Variants in ZSWIM6 observed in about 807,000 individuals in gnomAD.
ZSWIM6 encodes zinc finger SWIM-type containing 6.
A neutral mutation model predicts 113.2 loss-of-function variants in ZSWIM6; 9 were observed. The ratio of observed to expected loss-of-function variants is 0.08; its 90% CI spans 0.05 to 0.14. The LOEUF (loss-of-function observed/expected upper bound fraction) is 0.14. Among genes scored for constraint, ZSWIM6 ranks in the 10% least tolerant of loss-of-function variants. ZSWIM6 has a pLI of 1.00. For synonymous variants in ZSWIM6, 611 were observed against 606.5 expected, an observed-to-expected ratio of 1.01 and a Z score of -0.11; for missense variants, 1,162 against 1,552.2, an observed-to-expected ratio of 0.75 and a Z score of 4.22.
intron 1 of ZSWIM6, among the ~76,000 whole-genome samples, chr5:61,409,324 A>G (rs1432286447): frequency 6.6e-6 from 1 of 152,162 alleles, no homozygotes; most frequent in East Asian, 1.9e-4. Flanking sequence ...ACTTACCTGC[A>G]GTCCATTTTC....
chr5:61,537,878 T>C (rs1353684875), intron 10 of ZSWIM6, among the ~76,000 whole-genome samples: 1 of 152,232 alleles, frequency 6.6e-6, no homozygotes, highest in Admixed American at 6.5e-5. Context: ...AGCTTTTTGG[T>C]ACTTTTAGAA....
At chr5:61,379,208 AAG>A (rs1554031857) in intron 1 of ZSWIM6, among the ~76,000 whole-genome samples, 31 of 151,294 alleles carry the variant, frequency 2.0e-4, no homozygotes, top group African/African-American at 7.0e-4. Flanking sequence ...AAAAAAAAAA[AAG>A]AATGTAAAAA....
chr5:61,454,704 C>T (rs1209800252), intron 1 of ZSWIM6, among the ~76,000 whole-genome samples: 5 of 151,920 alleles, frequency 3.3e-5, no homozygotes, highest in African/African-American at 9.7e-5. Context: ...GCCTCAGCCT[C>T]CCAAGTATCT....
At chr5:61,432,794 T>C (rs1746615118) in intron 1 of ZSWIM6, among the ~76,000 whole-genome samples, 1 of 152,224 alleles carries the variant, frequency 6.6e-6, no homozygotes, top group South Asian at 2.1e-4. Context: ...TTTGGGTTTT[T>C]CATTGGGTTC....
intron 2 of ZSWIM6, among the ~76,000 whole-genome samples, chr5:61,477,901 G>A (rs1329704242): frequency 6.6e-6 from 1 of 152,148 alleles, no homozygotes; most frequent in Non-Finnish European, 1.5e-5. Context: ...AGGAAGTTGG[G>A]TATTTATTCT....
chr5:61,497,102 C>G (rs546712341), intron 4 of ZSWIM6, among the ~76,000 whole-genome samples: 2 of 128,938 alleles, frequency 1.6e-5, no homozygotes, highest in African/African-American at 5.7e-5. Context: ...GACCAGTACA[C>G]CAGGAAAAAA....
At chr5:61,541,459 C>G (rs978426014) in intron 12 of ZSWIM6, among the ~76,000 whole-genome samples, 1 of 152,110 alleles carries the variant, frequency 6.6e-6, no homozygotes, top group African/African-American at 2.4e-5. Context: ...TTTAAAATAC[C>G]TCTTTCCCCA....
At chr5:61,403,741 G>A (rs1312335948) in intron 1 of ZSWIM6, among the ~76,000 whole-genome samples, 2 of 152,200 alleles carry the variant, frequency 1.3e-5, no homozygotes, top group Non-Finnish European at 2.9e-5. Flanking sequence ...GCGTGTGAGT[G>A]GAAACCTTTT....
At chr5:61,398,653 A>G (rs1316584581) in intron 1 of ZSWIM6, among the ~76,000 whole-genome samples, 1 of 152,164 alleles carries the variant, frequency 6.6e-6, no homozygotes, top group African/African-American at 2.4e-5. Flanking sequence ...ATATTTATCA[A>G]CGTGCTTAAA....
At position 61,494,165 on chromosome 5, in the gene ZSWIM6, CAG is replaced by C. The variant is rs941328216; in HGVS notation, c.1183-91_1183-90del. The C allele has an allele frequency of 9.2e-6, 12 of 1,311,378 alleles. No homozygotes were observed. The African/African-American group carries it at 1.3e-4, about 14-fold the overall frequency. 81.2% of individuals were successfully genotyped at this position (1,311,378 alleles called of 1,614,324 possible). A position where few individuals can be genotyped will look rare whatever the true frequency, so the allele number is the denominator to read the frequency against. ...ACACACGGAGAGAGAGAGAGAGAAACAGAGAAAAGTGGTGGTTTGTCTCTTGT... is the reference window on the plus strand; with the variant it reads ...ACACACGGAGAGAGAGAGAGAGAAACAGAAAAGTGGTGGTTTGTCTCTTGT... On this transcript the variant is annotated intron_variant, in intron 3 of 13. Transcript: ENST00000252744.
At chr5:61,451,115 T>A (rs1450446299) in intron 1 of ZSWIM6, among the ~76,000 whole-genome samples, 1 of 152,134 alleles carries the variant, frequency 6.6e-6, no homozygotes, top group Non-Finnish European at 1.5e-5. Context: ...TTTATCCTGC[T>A]TACAACTGCA....
In ZSWIM6 at chr5:61,545,849, C is replaced by T. The variant is rs1306992941; in HGVS notation, c.*1532C>T. 1 of 151,982 alleles carries T rather than the reference C, an allele frequency of 6.6e-6. No homozygotes were observed. Among genetic ancestry groups the T allele is most frequent in the Non-Finnish European group, 1.5e-5 (1 of 67,984 alleles). 9.4% of individuals were successfully genotyped at this position (151,982 alleles called of 1,614,324 possible). ...TAGCTGATGGTTCTGTAACCTTGTGCTTTTTAAAGCAATTTTTATGTTTTG... is the reference window on the plus strand; with the variant it reads ...TAGCTGATGGTTCTGTAACCTTGTGTTTTTTAAAGCAATTTTTATGTTTTG... On this transcript the variant is annotated 3_prime_UTR_variant, in exon 14 of 14. Coordinates refer to ENST00000252744, the MANE Select transcript of ZSWIM6 (RefSeq NM_020928.2).
At position 61,332,303 on chromosome 5, in the gene ZSWIM6, G is replaced by A. The variant is rs1038709799; in HGVS notation, c.31G>A (p.Ala11Thr). 1.1e-5 allele frequency: 13 copies of A among 1,167,408 alleles called. No homozygotes were observed. The African/African-American group carries it at 1.8e-4, about 16-fold the overall frequency. The allele number at this position is 1,167,408 out of a possible 1,614,324, so 72.3% of individuals were successfully genotyped here. Residue 11 changes from alanine to threonine, a missense_variant, in exon 1 of 14, where the codon GCG becomes ACG. Coordinates refer to ENST00000252744, the MANE Select transcript of ZSWIM6 (RefSeq NM_020928.2). ...GGAGCGCGGACAGCAGCCTCCTCCC[G>A]CGAAACGGCTTTGCTGCCGGCCGGG... is the stretch of plus-strand genomic sequence containing the variant. Reference protein sequence around the residue: MAERGQQPPPAKRLCCRPGGG... With the variant: MAERGQQPPPTKRLCCRPGGG...
chr5:61,455,639 C>G (rs1414143960), intron 1 of ZSWIM6, among the ~76,000 whole-genome samples: 2 of 152,166 alleles, frequency 1.3e-5, no homozygotes, highest in East Asian at 3.9e-4. Context: ...GAGCACTTGG[C>G]TAGCGGGGCA....
intron 1 of ZSWIM6, among the ~76,000 whole-genome samples, chr5:61,412,249 G>C (rs1746162732): frequency 6.6e-6 from 1 of 152,192 alleles, no homozygotes. Flanking sequence ...TTTTTATGCA[G>C]GAATAGAACT....
intron 1 of ZSWIM6, among the ~76,000 whole-genome samples, chr5:61,398,891 G>A (rs1305065035): frequency 1.3e-5 from 2 of 150,728 alleles, no homozygotes; most frequent in Non-Finnish European, 3.0e-5. Context: ...GGGGCTGAAG[G>A]AGAGCAAGTT....
chr5:61,368,504 C>G (rs1250910573), intron 1 of ZSWIM6, among the ~76,000 whole-genome samples: 1 of 152,194 alleles, frequency 6.6e-6, no homozygotes, highest in African/African-American at 2.4e-5. Flanking sequence ...AGAAAAACCT[C>G]TGAGCAGTCT....
At chr5:61,395,618 TAAA>T (rs1221878602) in intron 1 of ZSWIM6, among the ~76,000 whole-genome samples, 5 of 152,194 alleles carry the variant, frequency 3.3e-5, no homozygotes, top group Non-Finnish European at 7.4e-5. Context: ...TATCAAAAAT[TAAA>T]AAACACTTGG....
intron 1 of ZSWIM6, among the ~76,000 whole-genome samples, chr5:61,426,399 T>TA (rs1317667861): frequency 6.6e-6 from 1 of 152,224 alleles, no homozygotes; most frequent in Non-Finnish European, 1.5e-5. Context: ...TACCACTTGA[T>TA]ACATTTTTTT....
Sources: allele counts gnomAD v4.1 joint callset (sites outside exome capture counted in the v4.1 genomes callset), GRCh38; gene constraint gnomAD v4.1.1; transcripts MANE v1.5; gene names NCBI Gene and HGNC (gene_info 2026-07-23, HGNC 2026-07-21).